TENM4: variants seen among roughly 807,000 people sequenced by gnomAD.
The protein encoded by TENM4 is teneurin-4.
A neutral mutation model predicts 243.3 loss-of-function variants in TENM4; 82 were observed. The observed-to-expected ratio is 0.34, with a 90% CI of 0.28 to 0.40. TENM4 has a LOEUF of 0.40. Ranked by LOEUF, TENM4 falls within the 10% of genes least tolerant of loss-of-function variation. The probability of loss-of-function intolerance (pLI) is 1.00; values close to 1 mark genes in which losing one functional copy is unlikely to be tolerated. For synonymous variants in TENM4, 1,412 were observed against 1,456.3 expected (o/e 0.97, Z 0.69); for missense variants, 3,138 against 3,673.3 (o/e 0.85, Z 3.77).
At chr11:79,155,490 C>T (rs544758551) in intron 3 of TENM4, among the ~76,000 whole-genome samples, 6 of 151,988 alleles carry the variant, frequency 3.9e-5, no homozygotes, top group African/African-American at 4.8e-5. Flanking sequence ...CCCAGAGCAA[C>T]GTCAACCTAT....
intron 1 of TENM4, among the ~76,000 whole-genome samples, chr11:79,411,119 C>T (rs545121030): frequency 6.6e-6 from 1 of 152,306 alleles, no homozygotes; most frequent in East Asian, 1.9e-4. Flanking sequence ...AAAAGTGAGG[C>T]TCAGAGAGGG....
intron 6 of TENM4, among the ~76,000 whole-genome samples, chr11:79,011,365 A>G (rs1362700568): frequency 6.6e-6 from 1 of 152,148 alleles, no homozygotes; most frequent in Admixed American, 6.5e-5. Flanking sequence ...GCATTTTTCC[A>G]AGGCTCTTAC....
chr11:78,896,903 G>A (rs1855812764), intron 7 of TENM4, among the ~76,000 whole-genome samples: 1 of 152,216 alleles, frequency 6.6e-6, no homozygotes, highest in South Asian at 2.1e-4. Context: ...CTACCTACAT[G>A]CGCAGAAGAG....
intron 6 of TENM4, among the ~76,000 whole-genome samples, chr11:78,991,565 G>C (rs566780305): frequency 4.6e-5 from 7 of 152,310 alleles, no homozygotes; most frequent in African/African-American, 1.2e-4. Flanking sequence ...CTGAAGCCTT[G>C]TATTAGACCA....
chr11:78,879,671 G>C, intron 9 of TENM4, among the ~76,000 whole-genome samples: 1 of 146,766 alleles, frequency 6.8e-6, no homozygotes, highest in East Asian at 2.1e-4. Flanking sequence ...CGTCTGGGAG[G>C]TGAGGAGCGC....
At chr11:79,102,615 T>G (rs1248654923) in intron 4 of TENM4, among the ~76,000 whole-genome samples, 1 of 152,238 alleles carries the variant, frequency 6.6e-6, no homozygotes, top group Non-Finnish European at 1.5e-5. Context: ...GCATGGTGCC[T>G]TGCACACCGT....
At chr11:79,287,593 C>T (rs960022798) in intron 2 of TENM4, among the ~76,000 whole-genome samples, 2 of 152,156 alleles carry the variant, frequency 1.3e-5, no homozygotes, top group Admixed American at 6.5e-5. Context: ...ATATTATACT[C>T]CTGGTTCCCC....
chr11:78,793,119 T>G (rs546839264), intron 15 of TENM4, among the ~76,000 whole-genome samples: 2 of 152,342 alleles, frequency 1.3e-5, no homozygotes, highest in East Asian at 3.9e-4. Flanking sequence ...CGTTTTAATT[T>G]GTCTGGACTT....
intron 1 of TENM4, among the ~76,000 whole-genome samples, chr11:79,416,225 A>G (rs1858810408): frequency 1.3e-5 from 2 of 152,176 alleles, no homozygotes; most frequent in African/African-American, 4.8e-5. Context: ...TTTGTATCTC[A>G]ATACGCTTTC....
chr11:78,757,143 T>C lies in TENM4; in HGVS notation c.2540-122A>G, dbSNP rs906380937. The C allele has an allele frequency of 2.8e-6, 3 of 1,062,360 alleles. No homozygotes were observed. The South Asian group carries it at 5.0e-5, about 18-fold the overall frequency. 65.8% of individuals were successfully genotyped at this position (1,062,360 alleles called of 1,614,324 possible). On this transcript the variant is annotated intron_variant, in intron 18 of 33. Coordinates refer to ENST00000278550, the MANE Select transcript of TENM4 (RefSeq NM_001098816.3). Reference sequence around the variant, plus strand: ...ATTCAAAAACTTTATTAAATGCTGATATAAGCCAAAGTCTTTGCTGGGCAC... The same window carrying C: ...ATTCAAAAACTTTATTAAATGCTGACATAAGCCAAAGTCTTTGCTGGGCAC...
rs138447406 is a variant in TENM4, at chr11:79,059,128, C to T, written c.493+5610G>A. On this transcript the variant is annotated intron_variant, in intron 6 of 33. Coordinates refer to ENST00000278550, the MANE Select transcript of TENM4 (RefSeq NM_001098816.3). ...CTAATTAGGTTAACCAATAATTTCC[C>T]TTTTGACACCAGGCTGCTTGACAAT... Among the ~76,000 whole-genome samples the T allele has an allele frequency of 5.5e-3, 837 of 152,290 alleles. 4 individuals are homozygous for T. The highest frequency in any genetic ancestry group is 8.2e-3 in the Non-Finnish European group (555 of 68,006).
chr11:79,314,248 A>G (rs114822447), intron 1 of TENM4, among the ~76,000 whole-genome samples: 2,249 of 152,332 alleles, frequency 0.015, 54 homozygotes, highest in African/African-American at 0.051. Flanking sequence ...GTGAATTATA[A>G]AGGCAATGGA....
intron 3 of TENM4, among the ~76,000 whole-genome samples, chr11:79,196,985 G>T (rs147535576): frequency 6.6e-6 from 1 of 152,182 alleles, no homozygotes; most frequent in Non-Finnish European, 1.5e-5. Flanking sequence ...CATGCCCAGG[G>T]TTAAGAGGTT....
intron 2 of TENM4, among the ~76,000 whole-genome samples, chr11:79,218,236 C>CA (rs1474297438): frequency 8.2e-6 from 1 of 121,822 alleles, no homozygotes; most frequent in African/African-American, 3.2e-5. Context: ...CCCTGCCCAC[C>CA]CACCCCCGAC....
intron 4 of TENM4, among the ~76,000 whole-genome samples, chr11:79,143,904 T>G (rs1336956274): frequency 6.6e-6 from 1 of 151,506 alleles, no homozygotes; most frequent in Non-Finnish European, 1.5e-5. Context: ...ATTTTCCAAG[T>G]AAAACTCACA....
At chr11:78,763,790 A>C (rs549294704) in intron 18 of TENM4, among the ~76,000 whole-genome samples, 207 of 152,332 alleles carry the variant, frequency 1.4e-3, no homozygotes, top group African/African-American at 4.8e-3. Flanking sequence ...GGCTCTGCCA[A>C]CCTCTCAGGA....
chr11:79,044,612 T>G (rs1859616039), intron 6 of TENM4, among the ~76,000 whole-genome samples: 1 of 152,220 alleles, frequency 6.6e-6, no homozygotes, highest in Admixed American at 6.5e-5. Flanking sequence ...AAACACATCG[T>G]ACTAAACGCA....
chr11:79,276,618 C>T lies in TENM4; in HGVS notation c.-265+20870G>A, dbSNP rs570465223. ...CTCTCCAGGAAGACACAGCCAGAAA[C>T]ATGCTCTTTGGATCCCATCTTGGAG... On this transcript the variant is annotated intron_variant, in intron 2 of 33. Coordinates refer to ENST00000278550, the MANE Select transcript of TENM4 (RefSeq NM_001098816.3). Among the ~76,000 whole-genome samples the T allele has an allele frequency of 1.6e-4, 25 of 152,292 alleles. No homozygotes were observed. In the South Asian group the frequency reaches 5.2e-3, roughly 32 times the overall value.
At chr11:79,079,647 T>C (rs762558625) in intron 4 of TENM4, among the ~76,000 whole-genome samples, 13 of 152,036 alleles carry the variant, frequency 8.6e-5, no homozygotes, top group Non-Finnish European at 1.6e-4. Context: ...CTGGCCAATG[T>C]GGTGAAACCC....
Sources: gnomAD v4.1 joint callset for allele counts (sites outside exome capture counted in the v4.1 genomes callset) on GRCh38, gnomAD v4.1.1 for gene constraint, MANE v1.5 for transcripts, NCBI Gene and HGNC (gene_info 2026-07-23, HGNC 2026-07-21) for gene names.